Variants in CNOT1 observed in about 807,000 individuals in gnomAD.
CNOT1 encodes the protein CCR4-NOT transcription complex subunit 1.
A neutral mutation model predicts 273.8 loss-of-function variants in CNOT1; 15 were observed. The observed-to-expected ratio is 0.05, with a 90% CI of 0.04 to 0.08. CNOT1 has a LOEUF of 0.08. CNOT1 is among the 10% of genes least tolerant of loss of function. The probability of loss-of-function intolerance (pLI) is 1.00; values close to 1 mark genes in which losing one functional copy is unlikely to be tolerated. For synonymous variants in CNOT1, 1,022 were observed against 1,005.5 expected (o/e 1.02, Z -0.31); for missense variants, 1,644 against 2,912.2 (o/e 0.56, Z 10.02).
chr16:58,609,603 CAG>C (rs1301446118), intron 1 of CNOT1, among the ~76,000 whole-genome samples: 1 of 151,902 alleles, frequency 6.6e-6, no homozygotes, highest in African/African-American at 2.4e-5. Flanking sequence ...CCTGGGACTA[CAG>C]ACACATGCCA....
chr16:58,621,962 A>C (rs959543401), intron 1 of CNOT1, among the ~76,000 whole-genome samples: 1 of 150,426 alleles, frequency 6.6e-6, no homozygotes, highest in Non-Finnish European at 1.5e-5. Context: ...AGTGAATTCT[A>C]ATGTAAACCA....
rs112871845 is a variant in CNOT1, at chr16:58,578,176, G to A, written c.1584+523C>T. Among the ~76,000 whole-genome samples, 10 of 152,210 alleles carry A rather than the reference G, an allele frequency of 6.6e-5. 1 individual carries two copies. The highest frequency in any genetic ancestry group is 4.2e-4 in the South Asian group (2 of 4,816). On this transcript the variant is annotated intron_variant, in intron 13 of 48. Coordinates refer to ENST00000317147, the MANE Select transcript of CNOT1 (RefSeq NM_016284.5). ...ATATTGAAATTATTAAATATTGGCCGGGTGTGGTGGCTCACACCTGTAATC... is the reference window on the plus strand; with the variant it reads ...ATATTGAAATTATTAAATATTGGCCAGGTGTGGTGGCTCACACCTGTAATC...
At chr16:58,608,682 A>C (rs1477385922) in intron 1 of CNOT1, among the ~76,000 whole-genome samples, 1 of 152,224 alleles carries the variant, frequency 6.6e-6, no homozygotes, top group Non-Finnish European at 1.5e-5. Flanking sequence ...ACAGCAGCAC[A>C]ATTCGCAATT....
intron 1 of CNOT1, among the ~76,000 whole-genome samples, chr16:58,606,103 G>C (rs1320931199): frequency 6.6e-6 from 1 of 151,392 alleles, no homozygotes; most frequent in East Asian, 2.0e-4. Context: ...CAACAATATG[G>C]TTATGATAAT....
At chr16:58,597,344 G>A (rs968715373) in intron 2 of CNOT1, among the ~76,000 whole-genome samples, 6 of 151,734 alleles carry the variant, frequency 4.0e-5, no homozygotes, top group African/African-American at 1.5e-4. Flanking sequence ...GTGTGGTGGT[G>A]GAAGCCTGTA....
intron 1 of CNOT1, among the ~76,000 whole-genome samples, chr16:58,605,580 GT>G (rs1488986217): frequency 1.3e-5 from 2 of 152,144 alleles, no homozygotes; most frequent in African/African-American, 2.4e-5. Context: ...CATGCCACTG[GT>G]ATTTCAACAT....
Position 58,601,941 on chromosome 16 carries a change from C to T in CNOT1, c.-174-2430G>A, listed in dbSNP as rs963639216. Among the ~76,000 whole-genome samples the T allele has an allele frequency of 2.1e-4, 32 of 151,654 alleles. 1 individual carries two copies. The highest frequency in any genetic ancestry group is 1.9e-3 in the Admixed American group (29 of 15,184). The stretch of plus-strand genomic sequence containing the variant: ...GATGATGGATACACTTATTTTGTTC[C>T]TAATATGGCATTTTACTGGTCTCTC... On this transcript the variant is annotated intron_variant, in intron 1 of 48. Coordinates refer to ENST00000317147, the MANE Select transcript of CNOT1 (RefSeq NM_016284.5).
At chr16:58,603,434 TG>T (rs749337449) in intron 1 of CNOT1, among the ~76,000 whole-genome samples, 33,783 of 150,614 alleles carry the variant, frequency 0.22, 4,150 homozygotes, top group African/African-American at 0.32. Flanking sequence ...TGTGTGTGTG[TG>T]TGTGTGTGTG....
At position 58,547,245 on chromosome 16, in the gene CNOT1, CTTG is replaced by C; in HGVS notation, c.3688_3690del (p.Gln1230del). The C allele has an allele frequency of 6.2e-7, 1 of 1,613,928 alleles. No homozygotes were observed. Among genetic ancestry groups the C allele is most frequent in the Non-Finnish European group, 8.5e-7 (1 of 1,179,892 alleles). On this transcript the variant is annotated inframe_deletion, in exon 27 of 49. Coordinates refer to ENST00000317147, the MANE Select transcript of CNOT1 (RefSeq NM_016284.5). The surrounding 1 kb of genome is among the most constrained non-coding windows in gnomAD (Gnocchi z 4.0). ...ACAAAGGGCACTACATAGAGCAATT[CTTG>C]TTGTCCTTTAACATAAGCCTCTAGC...
At chr16:58,543,105 A>G (rs2040144034) in intron 31 of CNOT1, 1 of 1,269,810 alleles carries the variant, frequency 7.9e-7, no homozygotes, top group Admixed American at 3.3e-5. Flanking sequence ...GAAACATTAA[A>G]AAAAAGGCAA....
chr16:58,592,547 C>A (rs1332489865), intron 2 of CNOT1, among the ~76,000 whole-genome samples: 1 of 152,042 alleles, frequency 6.6e-6, no homozygotes, highest in African/African-American at 2.4e-5. Context: ...CTGTGAACAG[C>A]CACTGCATTC....
Position 58,558,527 on chromosome 16 carries a change from G to A in CNOT1, c.2278C>T (p.Pro760Ser), listed in dbSNP as rs755264210. The change falls in exon 18 of 49, where the codon CCC (proline) becomes TCC (serine). Residue 760 changes from proline (P) to serine (S), a missense_variant. Coordinates refer to ENST00000317147, the MANE Select transcript of CNOT1 (RefSeq NM_016284.5). ...PAKAFPPLSTPNQTTAFSGIG... is the reference protein window; with the variant it reads ...PAKAFPPLSTSNQTTAFSGIG... ...CCACTGAATGCAGTGGTCTGATTGGGGGTTGAAAGGGGTGGAAATGCTTTT... is the reference window on the plus strand; with the variant it reads ...CCACTGAATGCAGTGGTCTGATTGGAGGTTGAAAGGGGTGGAAATGCTTTT... 3.7e-6 allele frequency: 6 copies of A among 1,613,666 alleles called. No homozygotes were observed. The highest frequency in any genetic ancestry group is 1.7e-5 in the Admixed American group (1 of 59,942).
intron 1 of CNOT1, among the ~76,000 whole-genome samples, chr16:58,605,538 T>C (rs2042647471): frequency 6.6e-6 from 1 of 151,770 alleles, no homozygotes. Flanking sequence ...CATAAATACA[T>C]CCCTCCAAAA....
At chr16:58,577,500 T>C (rs372256605) in intron 13 of CNOT1, among the ~76,000 whole-genome samples, 7 of 152,320 alleles carry the variant, frequency 4.6e-5, no homozygotes, top group African/African-American at 1.7e-4. Flanking sequence ...TAAAGAGCCT[T>C]ATTTCACTAA....
intron 21 of CNOT1, 134 bp from the exon 22 acceptor site, chr16:58,553,994 A>C: frequency 8.0e-7 from 1 of 1,256,212 alleles, no homozygotes; most frequent in Non-Finnish European, 1.0e-6. Context: ...AGAAAATGTC[A>C]AAGTGAAGAA....
chr16:58,520,834 G>T lies in CNOT1; in HGVS notation c.*124C>A. The T allele has an allele frequency of 1.1e-6, 1 of 950,880 alleles. No individual in the cohort carries two copies. Among genetic ancestry groups the T allele is most frequent in the Non-Finnish European group, 1.6e-6 (1 of 611,042 alleles). The allele number at this position is 950,880 out of a possible 1,614,324, so 58.9% of individuals were successfully genotyped here. A position where few individuals can be genotyped will look rare whatever the true frequency, so the allele number is the denominator to read the frequency against. ...GAGGCTGATCCCAACAGTAGTTGGG[G>T]CAGATACCCACAAACCAAAGGGCTG... On this transcript the variant is annotated 3_prime_UTR_variant, in exon 49 of 49. Coordinates refer to ENST00000317147, the MANE Select transcript of CNOT1 (RefSeq NM_016284.5).
intron 1 of CNOT1, among the ~76,000 whole-genome samples, chr16:58,625,987 T>G (rs2043562843): frequency 1.3e-5 from 2 of 152,168 alleles, no homozygotes; most frequent in East Asian, 1.9e-4. Flanking sequence ...CTTCTATATA[T>G]AGAGTCACTC....
intron 10 of CNOT1, 54 bp from the exon 11 acceptor site, chr16:58,581,569 C>A: frequency 1.4e-6 from 2 of 1,476,964 alleles, no homozygotes; most frequent in South Asian, 1.5e-5. Flanking sequence ...TATTTTGATA[C>A]ATTATCCAAA....
chr16:58,627,328 T>C (rs1031014274), intron 1 of CNOT1, among the ~76,000 whole-genome samples: 1 of 131,880 alleles, frequency 7.6e-6, no homozygotes, highest in African/African-American at 3.0e-5. Context: ...GCTTGAACCC[T>C]GGAGGCAAAG....
Sources: gnomAD v4.1 joint callset for allele counts (sites outside exome capture counted in the v4.1 genomes callset) on GRCh38, gnomAD v4.1.1 for gene constraint, Gnocchi (gnomAD v3.1) non-coding constraint, MANE v1.5 for transcripts, NCBI Gene and HGNC (gene_info 2026-07-23, HGNC 2026-07-21) for gene names.